PCDHGA3: variants seen among roughly 807,000 people sequenced by gnomAD.
PCDHGA3 encodes the protein protocadherin gamma subfamily A, 3.
Under a neutral mutation model 58.5 loss-of-function variants are expected in PCDHGA3, and 40 were observed. The observed-to-expected ratio is 0.68, with a 90% CI of 0.53 to 0.89. PCDHGA3 has a LOEUF of 0.89. PCDHGA3 is among the 40% of genes least tolerant of loss of function. PCDHGA3 has a pLI of 0.00. For synonymous variants in PCDHGA3, 530 were observed against 525.7 expected (o/e 1.01, Z -0.11); for missense variants, 1,223 against 1,195.9 (o/e 1.02, Z -0.33).
At chr5:141,503,384 C>G (rs898225633) in intron 2 of PCDHGA3, among the ~76,000 whole-genome samples, 1 of 151,906 alleles carries the variant, frequency 6.6e-6, no homozygotes, top group Non-Finnish European at 1.5e-5. Flanking sequence ...ATCATGAGGT[C>G]AGGAGTTCGA....
chr5:141,419,321 T>G, intron 1 of PCDHGA3: 1 of 1,613,950 alleles, frequency 6.2e-7, no homozygotes, highest in Non-Finnish European at 8.5e-7. Context: ...CGGCCGTGTC[T>G]CCTACTCTCT....
In PCDHGA3 at chr5:141,489,522, C is replaced by T. The variant is rs371948070; in HGVS notation, c.2425-5285C>T. 2.5e-6 allele frequency: 4 copies of T among 1,614,088 alleles called. No individual in the cohort carries two copies. Among genetic ancestry groups the T allele is most frequent in the Non-Finnish European group, 3.4e-6 (4 of 1,180,036 alleles). On this transcript the variant is annotated intron_variant, in intron 1 of 3. Coordinates refer to ENST00000253812, the MANE Select transcript of PCDHGA3 (RefSeq NM_018916.4). The surrounding 1 kb of genome is among the most constrained non-coding windows in gnomAD (Gnocchi z 4.5). ...TGAATCAAAAGATTGACCGAGAAAG[C>T]CTATGTGGAGCCAGCACCAGCTGCC...
intron 1 of PCDHGA3, chr5:141,352,325 G>C: frequency 6.2e-7 from 1 of 1,614,080 alleles, no homozygotes; most frequent in Non-Finnish European, 8.5e-7. Context: ...GTTTTACCTG[G>C]TTGTGGCCTT....
intron 1 of PCDHGA3, among the ~76,000 whole-genome samples, chr5:141,469,414 A>C (rs1455286338): frequency 1.3e-5 from 2 of 152,118 alleles, no homozygotes; most frequent in Non-Finnish European, 2.9e-5. Flanking sequence ...GTTTCTACTA[A>C]AAATATAAAA....
intron 1 of PCDHGA3, chr5:141,422,846 A>T: frequency 2.5e-6 from 4 of 1,614,102 alleles, no homozygotes; most frequent in Non-Finnish European, 3.4e-6. Flanking sequence ...GACAGCGGGG[A>T]CCCGCCCCTC....
chr5:141,436,240 G>A (rs192988618), intron 1 of PCDHGA3, among the ~76,000 whole-genome samples: 2 of 152,200 alleles, frequency 1.3e-5, no homozygotes, highest in East Asian at 3.9e-4. Flanking sequence ...AGCTAACATG[G>A]TCTAATTATT....
chr5:141,361,672 G>A (rs1177746611), intron 1 of PCDHGA3: 17 of 1,613,566 alleles, frequency 1.1e-5, no homozygotes, highest in Non-Finnish European at 1.4e-5. Context: ...GCAGAGCGGG[G>A]TGGTGTTCGC....
chr5:141,419,993 G>T (rs754254084), intron 1 of PCDHGA3: 5 of 1,614,056 alleles, frequency 3.1e-6, no homozygotes, highest in Middle Eastern at 1.6e-4. Context: ...TCTAGCTATT[G>T]CTCTACGCCT....
intron 1 of PCDHGA3, chr5:141,389,554 C>T: frequency 1.2e-6 from 2 of 1,613,184 alleles, no homozygotes; most frequent in South Asian, 1.1e-5. Context: ...AACGACAATG[C>T]GCCACGGGTG....
Position 141,421,937 on chromosome 5 carries a change from A to G in PCDHGA3, c.2425-72870A>G, listed in dbSNP as rs375878901. The G allele has an allele frequency of 1.5e-5, 25 of 1,613,402 alleles. No homozygotes were observed. In the African/African-American group the frequency reaches 1.6e-4, roughly 10 times the overall value. ...ATTCGTGTGGTGGTCCTCGATGTAA[A>G]TGATCACATCCCAATGTTTACACAG... On this transcript the variant is annotated intron_variant, in intron 1 of 3. Coordinates refer to ENST00000253812, the MANE Select transcript of PCDHGA3 (RefSeq NM_018916.4).
chr5:141,377,551 G>T (rs949060522), intron 1 of PCDHGA3: 3 of 151,380 alleles, frequency 2.0e-5, no homozygotes, highest in African/African-American at 7.3e-5. Flanking sequence ...AGATATAATT[G>T]TGTCACTGCA....
chr5:141,447,966 A>C (rs2098556806), intron 1 of PCDHGA3, among the ~76,000 whole-genome samples: 1 of 151,922 alleles, frequency 6.6e-6, no homozygotes, highest in Non-Finnish European at 1.5e-5. Context: ...GACACCTATA[A>C]TCCCAGCTAC....
At chr5:141,374,777 G>A (rs755463569) in intron 1 of PCDHGA3, 1 of 1,613,852 alleles carries the variant, frequency 6.2e-7, no homozygotes, top group South Asian at 1.1e-5. Context: ...TCTGGTAACA[G>A]TTCTAGATGT....
intron 1 of PCDHGA3, chr5:141,365,729 A>G: frequency 1.2e-6 from 2 of 1,613,792 alleles, no homozygotes; most frequent in South Asian, 2.2e-5. Flanking sequence ...AAACAATCCC[A>G]GAGGTGTCTC....
chr5:141,355,573 G>A (rs781268450), intron 1 of PCDHGA3: 1 of 1,613,976 alleles, frequency 6.2e-7, no homozygotes, highest in Non-Finnish European at 8.5e-7. Context: ...GGAAATAATC[G>A]ATGTTAATGA....
chr5:141,365,709 C>G (rs1476757852), intron 1 of PCDHGA3: 2 of 1,613,646 alleles, frequency 1.2e-6, no homozygotes, highest in African/African-American at 2.7e-5. Context: ...TACTCCACCT[C>G]TGTCACAGAA....
chr5:141,419,398 G>A (rs2096375486), intron 1 of PCDHGA3: 7 of 1,613,572 alleles, frequency 4.3e-6, no homozygotes, highest in Non-Finnish European at 5.1e-6. Flanking sequence ...AGAGCGGGGT[G>A]GTGTTCGCGC....
In PCDHGA3 at chr5:141,491,996, G is replaced by T; in HGVS notation, c.2425-2811G>T. ...TCCTTCGAGCTTCCGGTGAATTTCG[G>T]GCGATTTCCGCGGGTGTCGGGGGTC... is the stretch of plus-strand genomic sequence containing the variant. On this transcript the variant is annotated intron_variant, in intron 1 of 3. Coordinates refer to ENST00000253812, the MANE Select transcript of PCDHGA3 (RefSeq NM_018916.4). This position sits in a 1 kb window ranked among gnomAD's most constrained non-coding sequence, Gnocchi z 6.9. The T allele has an allele frequency of 2.9e-6, 2 of 686,328 alleles. No individual in the cohort carries two copies. Among genetic ancestry groups the T allele is most frequent in the Non-Finnish European group, 4.5e-6 (2 of 441,080 alleles). 42.5% of individuals were successfully genotyped at this position (686,328 alleles called of 1,614,324 possible). A position where few individuals can be genotyped will look rare whatever the true frequency, so the allele number is the denominator to read the frequency against.
At chr5:141,413,979 C>T in intron 1 of PCDHGA3, 1 of 1,613,394 alleles carries the variant, frequency 6.2e-7, no homozygotes, top group Non-Finnish European at 8.5e-7. Flanking sequence ...TGCTGACAGT[C>T]ACAGCCACCG....
Sources: allele counts gnomAD v4.1 joint callset (sites outside exome capture counted in the v4.1 genomes callset), GRCh38; gene constraint gnomAD v4.1.1; non-coding constraint Gnocchi (gnomAD v3.1); transcripts MANE v1.5; gene names NCBI Gene and HGNC (gene_info 2026-07-23, HGNC 2026-07-21).